Variants in GRM1 observed in about 807,000 individuals in gnomAD.
The protein encoded by GRM1 is metabotropic glutamate receptor 1.
A neutral mutation model predicts 90.9 loss-of-function variants in GRM1; 33 were observed. The observed-to-expected ratio is 0.36, with a 90% CI of 0.28 to 0.49. The LOEUF (loss-of-function observed/expected upper bound fraction) is 0.49, where lower values mean the gene tolerates loss of function less well. Ranked by LOEUF, GRM1 falls within the 20% of genes least tolerant of loss-of-function variation. The probability of loss-of-function intolerance (pLI) is 0.99; values close to 1 mark genes in which losing one functional copy is unlikely to be tolerated. For missense variants in GRM1, 1,190 were observed against 1,534.3 expected (o/e 0.78, Z 3.75); for synonymous variants, 700 against 613.2 (o/e 1.14, Z -2.09).
chr6:146,202,030 C>T (rs1409749923), intron 2 of GRM1, among the ~76,000 whole-genome samples: 3 of 152,112 alleles, frequency 2.0e-5, no homozygotes, highest in African/African-American at 7.2e-5. Context: ...GCTGGTGCAA[C>T]GTAACTTGGA....
intron 2 of GRM1, among the ~76,000 whole-genome samples, chr6:146,220,264 A>G (rs1780016570): frequency 6.6e-6 from 1 of 152,158 alleles, no homozygotes; most frequent in Non-Finnish European, 1.5e-5. Context: ...GAATTCTGTC[A>G]CTTGAAATGA....
chr6:146,401,617 C>G (rs1376747344), intron 7 of GRM1, among the ~76,000 whole-genome samples: 1 of 152,182 alleles, frequency 6.6e-6, no homozygotes, highest in Non-Finnish European at 1.5e-5. Context: ...ACAACATCCA[C>G]CATTATTCCA....
chr6:146,426,908 G>T (rs573109963), intron 7 of GRM1, among the ~76,000 whole-genome samples: 4 of 151,346 alleles, frequency 2.6e-5, no homozygotes, highest in Non-Finnish European at 5.9e-5. Flanking sequence ...ACTTTTGTTT[G>T]TGACTCCCAC....
chr6:146,367,538 T>A (rs1166601209), intron 5 of GRM1, among the ~76,000 whole-genome samples: 4 of 152,114 alleles, frequency 2.6e-5, no homozygotes, highest in Non-Finnish European at 5.9e-5. Context: ...GTTGGAGAGC[T>A]AGTACCAGAC....
At position 146,137,179 on chromosome 6, in the gene GRM1, C is replaced by A. The variant is rs571330282; in HGVS notation, c.701-22169C>A. Among the ~76,000 whole-genome samples, 16 of 152,178 alleles carry A rather than the reference C, an allele frequency of 1.1e-4. No individual in the cohort carries two copies. The East Asian group carries it at 3.1e-3, about 29-fold the overall frequency. ...CAGAAGCTTTTTAAGTTGATGTATCCCATTAGTTCATTTTTGCTTCGGTTG... is the reference window on the plus strand; with the variant it reads ...CAGAAGCTTTTTAAGTTGATGTATCACATTAGTTCATTTTTGCTTCGGTTG... On this transcript the variant is annotated intron_variant, in intron 1 of 7. Transcript: ENST00000282753.
chr6:146,384,071 C>G (rs1776411262), intron 5 of GRM1, among the ~76,000 whole-genome samples: 1 of 152,032 alleles, frequency 6.6e-6, no homozygotes, highest in Non-Finnish European at 1.5e-5. Flanking sequence ...AGAGAGAAAA[C>G]AAATGGAGCT....
chr6:146,299,817 T>G (rs947900244), intron 2 of GRM1, among the ~76,000 whole-genome samples: 4 of 152,110 alleles, frequency 2.6e-5, no homozygotes, highest in African/African-American at 9.7e-5. Context: ...CTCCTTTTTC[T>G]CAACTCTGCA....
chr6:146,057,380 AG>A (rs1332299033), intron 1 of GRM1, among the ~76,000 whole-genome samples: 1 of 152,130 alleles, frequency 6.6e-6, no homozygotes, highest in Non-Finnish European at 1.5e-5. Flanking sequence ...ATCACACATA[AG>A]CACCTCTGTC....
chr6:146,197,958 A>T (rs2114605166), intron 2 of GRM1, among the ~76,000 whole-genome samples: 1 of 152,322 alleles, frequency 6.6e-6, no homozygotes. Context: ...TACACTTCAA[A>T]ATTGTTAAGA....
At chr6:146,131,560 C>G (rs1297608486) in intron 1 of GRM1, among the ~76,000 whole-genome samples, 1 of 151,838 alleles carries the variant, frequency 6.6e-6, no homozygotes, top group Non-Finnish European at 1.5e-5. Flanking sequence ...CTGCCACTTG[C>G]AGAGGCTCTA....
At chr6:146,132,175 G>T (rs1776423320) in intron 1 of GRM1, among the ~76,000 whole-genome samples, 1 of 152,062 alleles carries the variant, frequency 6.6e-6, no homozygotes, top group Non-Finnish European at 1.5e-5. Context: ...AAGTGTCAGG[G>T]GAAACCACTA....
intron 2 of GRM1, among the ~76,000 whole-genome samples, chr6:146,223,276 C>T (rs1780132773): frequency 6.6e-6 from 1 of 152,204 alleles, no homozygotes; most frequent in African/African-American, 2.4e-5. Context: ...TAAATAACAT[C>T]TAAGAGAAAA....
chr6:146,168,604 AAGAAT>A (rs1281893468), intron 2 of GRM1, among the ~76,000 whole-genome samples: 1 of 151,852 alleles, frequency 6.6e-6, no homozygotes, highest in African/African-American at 2.4e-5. Flanking sequence ...TTTCTGCCTA[AAGAAT>A]TTCGTTTAAC....
chr6:146,132,261 G>A (rs1055911394), intron 1 of GRM1, among the ~76,000 whole-genome samples: 33 of 152,128 alleles, frequency 2.2e-4, no homozygotes, highest in Non-Finnish European at 3.4e-4. Flanking sequence ...AGAATGGATC[G>A]GAGAGGAAAA....
At chr6:146,348,517 G>A (rs1387981977) in intron 3 of GRM1, among the ~76,000 whole-genome samples, 1 of 152,226 alleles carries the variant, frequency 6.6e-6, no homozygotes, top group African/African-American at 2.4e-5. Flanking sequence ...GAGCCCAGGG[G>A]ACTGGCAGAG....
At chr6:146,378,823 T>C (rs904656203) in intron 5 of GRM1, among the ~76,000 whole-genome samples, 5 of 152,244 alleles carry the variant, frequency 3.3e-5, no homozygotes, top group African/African-American at 9.6e-5. Flanking sequence ...AGGGAGGTAA[T>C]TGAATCATGA....
At chr6:146,223,479 C>A (rs1780138715) in intron 2 of GRM1, among the ~76,000 whole-genome samples, 2 of 152,014 alleles carry the variant, frequency 1.3e-5, no homozygotes, top group South Asian at 4.1e-4. Context: ...TTTTCATCTG[C>A]AAGCTCTAAC....
intron 2 of GRM1, among the ~76,000 whole-genome samples, chr6:146,270,100 C>T (rs923034831): frequency 6.6e-6 from 1 of 151,948 alleles, no homozygotes; most frequent in African/African-American, 2.4e-5. Context: ...ATCACAAGGG[C>T]CTGCTAGCTG....
intron 1 of GRM1, among the ~76,000 whole-genome samples, chr6:146,096,743 T>G (rs1176110148): frequency 6.6e-6 from 1 of 152,142 alleles, no homozygotes; most frequent in Non-Finnish European, 1.5e-5. Context: ...AAATTCATCA[T>G]AGGAACATGC....
Sources: gnomAD v4.1 joint callset for allele counts (sites outside exome capture counted in the v4.1 genomes callset) on GRCh38, gnomAD v4.1.1 for gene constraint, MANE v1.5 for transcripts, NCBI Gene and HGNC (gene_info 2026-07-23, HGNC 2026-07-21) for gene names.